Variants in DMXL1 observed in about 807,000 individuals in gnomAD.
DMXL1 encodes Dmx like 1, also known as dmX-like protein 1.
DMXL1 carries 99 observed loss-of-function variants against 319.2 expected under a neutral mutation model. The observed-to-expected ratio is 0.31, with a 90% CI of 0.26 to 0.37. DMXL1 has a LOEUF of 0.37. Among genes scored for constraint, DMXL1 ranks in the 10% least tolerant of loss-of-function variants. The pLI is 1.00. For missense variants in DMXL1, 3,745 were observed against 3,595.6 expected (o/e 1.04, Z -1.06); for synonymous variants, 1,385 against 1,235.2 (o/e 1.12, Z -2.54).
chr5:119,156,682 C>A (rs913373038), intron 19 of DMXL1, among the ~76,000 whole-genome samples: 9 of 146,570 alleles, frequency 6.1e-5, no homozygotes, highest in Non-Finnish European at 1.4e-4. Flanking sequence ...GTTAAAATTT[C>A]TTTTCTTTTC....
intron 9 of DMXL1, chr5:119,128,532 A>G (rs1764102958): frequency 6.3e-6 from 1 of 157,956 alleles, no homozygotes; most frequent in African/African-American, 2.4e-5. Context: ...GATAAATGAA[A>G]TATTATAAAT....
In DMXL1 at chr5:119,171,964, A is replaced by C; in HGVS notation, c.6676A>C (p.Asn2226His). The C allele has an allele frequency of 6.2e-7, 1 of 1,609,254 alleles. No homozygotes were observed. Among genetic ancestry groups the C allele is most frequent in the Non-Finnish European group, 8.5e-7 (1 of 1,177,678 alleles). ...DSPPHPDIQS[N>H]KVYVMHTLAA... ...ACCACCCCACCCTGATATCCAAAGCAATAAAGTAAGTATGCTTGGTTTCAA... is the reference window on the plus strand; with the variant it reads ...ACCACCCCACCCTGATATCCAAAGCCATAAAGTAAGTATGCTTGGTTTCAA... Residue 2226 changes from asparagine (N) to histidine (H), a missense_variant, in exon 25 of 44, where the codon AAT (asparagine) becomes CAT (histidine). By Grantham distance (68) the Asn-to-His change is moderately conservative. Around this residue, in one of 4 missense-constraint regions of DMXL1, gnomAD observed 1,382 missense variants for 1,269.5 expected, o/e 1.09. Coordinates refer to ENST00000539542, the MANE Select transcript of DMXL1 (RefSeq NM_001290321.3).
rs1776180961 is a variant in DMXL1 at position 119,178,251 on chromosome 5, T to G, written c.7135+7T>G. The G allele has an allele frequency of 6.2e-7, 1 of 1,608,626 alleles. No homozygotes were observed. Among genetic ancestry groups the G allele is most frequent in the South Asian group, 1.1e-5 (1 of 90,086 alleles). ...CATTCAAAAACTTTACCTGGTGAGT[T>G]TAAAAAATTTTTTTAGGACTGAAGC... On this transcript the variant is annotated splice_region_variant and intron_variant, in intron 28 of 43. Transcript: ENST00000539542.
At chr5:119,081,501 C>T in intron 1 of DMXL1, 1 of 900,394 alleles carries the variant, frequency 1.1e-6, no homozygotes, top group Non-Finnish European at 1.3e-6. Context: ...CATACTTTGA[C>T]TCAAACATCT....
intron 15 of DMXL1, 50 bp downstream of exon 15, chr5:119,144,688 G>A (rs1051683716): frequency 2.5e-5 from 29 of 1,166,254 alleles, no homozygotes; most frequent in Non-Finnish European, 3.4e-5. Context: ...CAGTATGTTA[G>A]GCAGTTAATA....
chr5:119,131,144 T>G (rs1258983770), intron 10 of DMXL1, among the ~76,000 whole-genome samples: 1 of 139,998 alleles, frequency 7.1e-6, no homozygotes, highest in East Asian at 2.8e-4. Context: ...TTTATCTAAT[T>G]TCCTGCTGAG....
chr5:119,217,094 T>A (rs1337261025), intron 35 of DMXL1, 107 bp downstream of exon 35: 1 of 591,018 alleles, frequency 1.7e-6, no homozygotes, highest in Non-Finnish European at 2.9e-6. Context: ...TGCTTCCAGT[T>A]CCTTAAATTG....
rs748923932 is a variant in DMXL1, at chr5:119,167,838, T to C, written c.5372T>C (p.Ile1791Thr). 2 of 1,612,828 alleles carry C rather than the reference T, an allele frequency of 1.2e-6. No homozygotes were observed. Among genetic ancestry groups the C allele is most frequent in the South Asian group, 1.1e-5 (1 of 90,724 alleles). Residue 1791 changes from isoleucine (I) to threonine (T), a missense_variant, in exon 23 of 44, where the codon ATA becomes ACA. Transcript: ENST00000539542. ...EDYSGALETL[I>T]KQPIRENDDQ... ...TATAGTGGTGCTCTGGAAACATTAA[T>C]AAAGCAACCTATCAGAGAGAATGAT...
intron 38 of DMXL1, among the ~76,000 whole-genome samples, chr5:119,228,244 A>G (rs554591365): frequency 1.7e-4 from 26 of 152,320 alleles, no homozygotes; most frequent in African/African-American, 6.0e-4. Context: ...AGTCTTTTCT[A>G]TGAATCTCCT....
intron 3 of DMXL1, among the ~76,000 whole-genome samples, chr5:119,104,670 T>C (rs1471296154): frequency 1.3e-5 from 2 of 152,244 alleles, no homozygotes; most frequent in Non-Finnish European, 2.9e-5. Flanking sequence ...TGGGTCAGCA[T>C]ACATTGTGTA....
chr5:119,159,899 C>T (rs1771914764), intron 19 of DMXL1, among the ~76,000 whole-genome samples: 2 of 152,234 alleles, frequency 1.3e-5, no homozygotes, highest in African/African-American at 4.8e-5. Context: ...GCTGGTATTA[C>T]AGGCATGAGC....
intron 29 of DMXL1, 81 bp from the exon 30 acceptor site, chr5:119,193,747 G>T: frequency 7.4e-7 from 1 of 1,347,994 alleles, no homozygotes; most frequent in South Asian, 1.3e-5. Flanking sequence ...CAAATGAGAT[G>T]AATTATTACT....
chr5:119,202,887 A>ATATATATATATAGATATATATT (rs1781028018), intron 32 of DMXL1, among the ~76,000 whole-genome samples: 1 of 111,634 alleles, frequency 9.0e-6, no homozygotes, highest in African/African-American at 3.5e-5. Context: ...ATATATTTTT[A>ATATATATATATAGATATATATT]TATATATATA....
chr5:119,197,416 C>T (rs1196768970), intron 31 of DMXL1, among the ~76,000 whole-genome samples: 1 of 152,188 alleles, frequency 6.6e-6, no homozygotes, highest in South Asian at 2.1e-4. Context: ...CCGCATGCAG[C>T]CTGTGGGCCA....
intron 1 of DMXL1, among the ~76,000 whole-genome samples, chr5:119,084,499 C>T (rs772146564): frequency 6.6e-6 from 1 of 152,116 alleles, no homozygotes; most frequent in Non-Finnish European, 1.5e-5. Context: ...ATTTTAGGGT[C>T]ATTTTTTTCT....
chr5:119,160,843 C>T (rs1024869947), intron 19 of DMXL1, among the ~76,000 whole-genome samples: 4 of 152,114 alleles, frequency 2.6e-5, no homozygotes, highest in East Asian at 1.9e-4. Flanking sequence ...TATTCTATTT[C>T]GGTTTCTATT....
intron 34 of DMXL1, among the ~76,000 whole-genome samples, chr5:119,207,678 C>T (rs1005679725): frequency 2.0e-5 from 3 of 152,238 alleles, no homozygotes; most frequent in Admixed American, 1.3e-4. Context: ...ACCACCACAC[C>T]TGGCTAATTC....
intron 8 of DMXL1, 76 bp downstream of exon 8, chr5:119,119,080 GT>G (rs747460415): frequency 4.1e-5 from 39 of 960,808 alleles, no homozygotes; most frequent in Non-Finnish European, 5.5e-5. Flanking sequence ...ACACAGTAAT[GT>G]TATAAAAAAA....
At chr5:119,127,716 G>C (rs528489959) in intron 9 of DMXL1, 5 of 223,994 alleles carry the variant, frequency 2.2e-5, no homozygotes, top group Non-Finnish European at 3.6e-5. Flanking sequence ...TGGGATTACA[G>C]ACATGAGCTG....
Sources: gnomAD v4.1 joint callset for allele counts (sites outside exome capture counted in the v4.1 genomes callset) on GRCh38, gnomAD v4.1.1 for gene constraint, gnomAD v4.1.1 regional missense constraint, MANE v1.5 for transcripts, NCBI Gene and HGNC (gene_info 2026-07-23, HGNC 2026-07-21) for gene names.